SETBP1: variants seen among roughly 807,000 people sequenced by gnomAD.
The protein encoded by SETBP1 is SET-binding protein.
Under a neutral mutation model 101.0 loss-of-function variants are expected in SETBP1, and 9 were observed. The observed-to-expected ratio is 0.09, with a 90% CI of 0.05 to 0.16. The LOEUF is 0.16. SETBP1 is among the 10% of genes least tolerant of loss of function. The pLI, the probability that SETBP1 is intolerant of heterozygous loss-of-function variation, is 1.00. For synonymous variants in SETBP1, 818 were observed against 788.5 expected, an observed-to-expected ratio of 1.04 and a Z score of -0.63; for missense variants, 1,858 against 2,033.8, an observed-to-expected ratio of 0.91 and a Z score of 1.66.
intron 4 of SETBP1, among the ~76,000 whole-genome samples, chr18:45,000,167 G>A (rs909926400): frequency 6.6e-6 from 1 of 152,228 alleles, no homozygotes; most frequent in African/African-American, 2.4e-5. Flanking sequence ...GCATAAAGTT[G>A]TCTAGACTGG....
chr18:44,802,333 C>T (rs2071624532), intron 2 of SETBP1, among the ~76,000 whole-genome samples: 1 of 152,110 alleles, frequency 6.6e-6, no homozygotes, highest in Non-Finnish European at 1.5e-5. Context: ...GTGCAGATGG[C>T]TTTTGTTCCA....
intron 2 of SETBP1, among the ~76,000 whole-genome samples, chr18:44,868,696 GAGGACGGAAGGAAGGGAGGAAGGAAGGA>G (rs1658694235): frequency 2.8e-5 from 3 of 107,274 alleles, no homozygotes; most frequent in African/African-American, 7.2e-5. Flanking sequence ...GAGAGAGAGA[GAGGACGGAAGGAAGGGAGGAAGGAAGGA>G]AGGAAGGAAG....
chr18:44,799,056 CA>C (rs2071543173), intron 2 of SETBP1, among the ~76,000 whole-genome samples: 1 of 152,144 alleles, frequency 6.6e-6, no homozygotes, highest in Non-Finnish European at 1.5e-5. Flanking sequence ...ATTAATTAGC[CA>C]TTGTGGTGGG....
chr18:44,734,848 A>G (rs1177489877), intron 2 of SETBP1, among the ~76,000 whole-genome samples: 1 of 152,184 alleles, frequency 6.6e-6, no homozygotes, highest in Admixed American at 6.6e-5. Flanking sequence ...TAGGTTAGAA[A>G]TTATCTTGGG....
intron 2 of SETBP1, among the ~76,000 whole-genome samples, chr18:44,729,167 C>T (rs1240649484): frequency 3.3e-5 from 5 of 152,176 alleles, no homozygotes; most frequent in Non-Finnish European, 7.3e-5. Flanking sequence ...CACTTTGAGT[C>T]ACTGTTCTTT....
chr18:44,754,811 TTGA>T (rs2070458039), intron 2 of SETBP1, among the ~76,000 whole-genome samples: 1 of 152,220 alleles, frequency 6.6e-6, no homozygotes, highest in Non-Finnish European at 1.5e-5. Context: ...GTTGCTGGGC[TTGA>T]TGATGAATTC....
chr18:45,027,443 C>G (rs527657538), intron 4 of SETBP1, among the ~76,000 whole-genome samples: 31 of 152,280 alleles, frequency 2.0e-4, no homozygotes, highest in Non-Finnish European at 2.9e-4. Flanking sequence ...TCTTAACTTT[C>G]ATATTAGCAA....
chr18:45,014,398 C>G (rs2072901469), intron 4 of SETBP1, among the ~76,000 whole-genome samples: 1 of 152,220 alleles, frequency 6.6e-6, no homozygotes, highest in Admixed American at 6.5e-5. Context: ...CATTCCCCAG[C>G]AAGGGAGAAA....
At chr18:44,873,769 T>C (rs1041220685) in intron 3 of SETBP1, among the ~76,000 whole-genome samples, 7 of 152,188 alleles carry the variant, frequency 4.6e-5, no homozygotes, top group African/African-American at 1.7e-4. Context: ...TTTTAAAGTC[T>C]GAAAAATAAA....
rs952100878 is a variant in SETBP1, at chr18:44,948,713, T to C, written c.541-1168T>C. On this transcript the variant is annotated intron_variant, in intron 3 of 5. Transcript: ENST00000649279. ...TATAATAAACCTTAAGGAATACTAC[T>C]TTGAACTAGTATCATGGCTTAAAAT... Among the ~76,000 whole-genome samples the C allele has an allele frequency of 2.0e-5, 3 of 152,230 alleles. No individual in the cohort carries two copies. In the South Asian group the frequency reaches 6.2e-4, roughly 32 times the overall value.
At chr18:44,928,264 C>A (rs1425520504) in intron 3 of SETBP1, among the ~76,000 whole-genome samples, 6 of 152,160 alleles carry the variant, frequency 3.9e-5, no homozygotes, top group Non-Finnish European at 8.8e-5. Flanking sequence ...TGAACTCATT[C>A]TTTTTTATGG....
chr18:44,952,973 G>C lies in SETBP1; in HGVS notation c.3633G>C (p.Lys1211Asn). 6.2e-7 allele frequency: 1 copy of C among 1,614,136 alleles called. No individual in the cohort carries two copies. The highest frequency in any genetic ancestry group is 8.5e-7 in the Non-Finnish European group (1 of 1,180,016). The change falls in exon 4 of 6, where the codon AAG becomes AAC. Residue 1211 changes from lysine to asparagine, a missense_variant. Physicochemically the swap from Lys to Asn is moderately conservative, Grantham distance 94 (BLOSUM62 0). Around this residue, in one of 12 missense-constraint regions of SETBP1, gnomAD observed 417 missense variants for 389.1 expected, o/e 1.07. Coordinates refer to ENST00000649279, the MANE Select transcript of SETBP1 (RefSeq NM_015559.3). ...AGAACAAGCATAAGGAGAAACAGAA[G>C]CACCAGCACAGCGAAGCCGGCCACA... ...SEKNKHKEKQKHQHSEAGHKA... is the reference protein window; with the variant it reads ...SEKNKHKEKQNHQHSEAGHKA...
chr18:44,768,601 G>T (rs2070809859), intron 2 of SETBP1, among the ~76,000 whole-genome samples: 1 of 152,088 alleles, frequency 6.6e-6, no homozygotes, highest in Non-Finnish European at 1.5e-5. Flanking sequence ...AAGATTTTTG[G>T]TGATTACCGG....
chr18:45,043,143 T>C (rs2073541899), intron 5 of SETBP1, among the ~76,000 whole-genome samples: 1 of 152,180 alleles, frequency 6.6e-6, no homozygotes, highest in Non-Finnish European at 1.5e-5. Context: ...TTGAACTAAC[T>C]TCTCAGGGAG....
chr18:45,037,835 G>T (rs974502522), intron 4 of SETBP1, among the ~76,000 whole-genome samples: 1 of 152,110 alleles, frequency 6.6e-6, no homozygotes, highest in Non-Finnish European at 1.5e-5. Context: ...AATCCCCACA[G>T]TTCATCTTCC....
chr18:44,869,300 C>A lies in SETBP1; in HGVS notation c.540+17C>A. On this transcript the variant is annotated intron_variant, in intron 3 of 5. Coordinates refer to ENST00000649279, the MANE Select transcript of SETBP1 (RefSeq NM_015559.3). The stretch of plus-strand genomic sequence containing the variant: ...CAGCCACAGGTAAGTTCCACTGATG[C>A]TTTTAAGAAGTTTGGAAGAGTAAAA... 1 of 1,612,126 alleles carries A rather than the reference C, an allele frequency of 6.2e-7. No homozygotes were observed. Among genetic ancestry groups the A allele is most frequent in the South Asian group, 1.1e-5 (1 of 91,052 alleles).
chr18:45,000,808 A>ACACC (rs1375063064), intron 4 of SETBP1, among the ~76,000 whole-genome samples: 1 of 151,548 alleles, frequency 6.6e-6, no homozygotes, highest in Non-Finnish European at 1.5e-5. Flanking sequence ...ACACACACAC[A>ACACC]CACACACACA....
At chr18:44,704,966 T>C (rs1436888133) in intron 2 of SETBP1, among the ~76,000 whole-genome samples, 1 of 152,130 alleles carries the variant, frequency 6.6e-6, no homozygotes, top group Non-Finnish European at 1.5e-5. Context: ...GTTAAGCTGA[T>C]CTTTGAGCTG....
At chr18:44,891,235 G>A (rs888360451) in intron 3 of SETBP1, among the ~76,000 whole-genome samples, 2 of 152,022 alleles carry the variant, frequency 1.3e-5, no homozygotes, top group Non-Finnish European at 2.9e-5. Flanking sequence ...CCTCCCACCA[G>A]GTCCCTCCCA....
Sources: allele counts gnomAD v4.1 joint callset (sites outside exome capture counted in the v4.1 genomes callset), GRCh38; gene constraint gnomAD v4.1.1; regional missense constraint gnomAD v4.1.1; transcripts MANE v1.5; gene names NCBI Gene and HGNC (gene_info 2026-07-23, HGNC 2026-07-21).